ESRRG: variants seen among roughly 807,000 people sequenced by gnomAD.
ESRRG encodes estrogen-related receptor gamma.
ESRRG carries 13 observed loss-of-function variants against 44.0 expected under a neutral mutation model. That is an observed-to-expected ratio of 0.30 (90% CI 0.19 to 0.47). The LOEUF (loss-of-function observed/expected upper bound fraction) is 0.47, where lower values mean the gene tolerates loss of function less well. Among genes scored for constraint, ESRRG ranks in the 20% least tolerant of loss-of-function variants. The pLI is 1.00. For missense variants in ESRRG, 395 were observed against 580.6 expected (o/e 0.68, Z 3.29); for synonymous variants, 215 against 214.6 (o/e 1.00, Z -0.02).
intron 3 of ESRRG, among the ~76,000 whole-genome samples, chr1:216,603,757 C>T (rs541149255): frequency 2.0e-5 from 3 of 152,114 alleles, no homozygotes; most frequent in South Asian, 2.1e-4. Context: ...GGGGAAACCA[C>T]GTCTCTACTA....
intron 3 of ESRRG, among the ~76,000 whole-genome samples, chr1:216,628,807 T>C (rs796297420): frequency 1.9e-4 from 29 of 152,284 alleles, no homozygotes; most frequent in African/African-American, 6.5e-4. Flanking sequence ...AACCCTTAAA[T>C]TGATTTCAAG....
At chr1:216,548,646 T>C (rs1272185873) in intron 5 of ESRRG, among the ~76,000 whole-genome samples, 3 of 152,092 alleles carry the variant, frequency 2.0e-5, no homozygotes, top group Admixed American at 2.0e-4. Context: ...TCAAGAAATC[T>C]ACCCTGATTC....
chr1:216,782,784 C>CA (rs201803962), intron 2 of ESRRG, among the ~76,000 whole-genome samples: 1,936 of 151,848 alleles, frequency 0.013, 41 homozygotes, highest in African/African-American at 0.045. Flanking sequence ...GGGATCTAGA[C>CA]AAAAATAGCT....
At chr1:216,780,458 T>TGGAAATCATACA (rs1162428030) in intron 2 of ESRRG, among the ~76,000 whole-genome samples, 8 of 152,096 alleles carry the variant, frequency 5.3e-5, no homozygotes, top group Non-Finnish European at 2.9e-5. Context: ...GAATCATACA[T>TGGAAATCATACA]ATTTAGATAT....
chr1:216,622,222 C>T (rs1404670282), intron 3 of ESRRG, among the ~76,000 whole-genome samples: 1 of 152,178 alleles, frequency 6.6e-6, no homozygotes, highest in East Asian at 1.9e-4. Flanking sequence ...ACCACAATGA[C>T]CTCAATGGAG....
At chr1:217,066,217 G>A (rs2089635504) in intron 1 of ESRRG, among the ~76,000 whole-genome samples, 1 of 150,190 alleles carries the variant, frequency 6.7e-6, no homozygotes, top group Non-Finnish European at 1.5e-5. Flanking sequence ...GTTTTCATCT[G>A]TATTCTATAT....
At chr1:216,873,886 G>A (rs1435117149) in intron 2 of ESRRG, among the ~76,000 whole-genome samples, 2 of 29,102 alleles carry the variant, frequency 6.9e-5, no homozygotes, top group Non-Finnish European at 1.4e-4. Context: ...AGGGAGGGAA[G>A]GGAAGGGAAG....
intron 3 of ESRRG, among the ~76,000 whole-genome samples, chr1:216,601,601 T>A (rs2059269215): frequency 6.6e-6 from 1 of 152,152 alleles, no homozygotes; most frequent in Non-Finnish European, 1.5e-5. Flanking sequence ...ATTTACCTAT[T>A]TCGTACAAGT....
intron 2 of ESRRG, among the ~76,000 whole-genome samples, chr1:216,843,049 T>C (rs939808174): frequency 6.6e-6 from 1 of 152,118 alleles, no homozygotes; most frequent in African/African-American, 2.4e-5. Flanking sequence ...CTTTCTACCT[T>C]GTCCAAATTC....
chr1:217,092,903 A>G (rs1259960760), upstream of ESRRG, among the ~76,000 whole-genome samples: 3 of 152,216 alleles, frequency 2.0e-5, no homozygotes, highest in Non-Finnish European at 2.9e-5. Context: ...TGAAGAAATG[A>G]CAAGCTAATT....
chr1:217,050,707 C>T (rs1198096870), intron 1 of ESRRG, among the ~76,000 whole-genome samples: 10 of 152,176 alleles, frequency 6.6e-5, no homozygotes, highest in Non-Finnish European at 1.3e-4. Flanking sequence ...GTTCTCTTAG[C>T]CACTGCCTTT....
chr1:217,129,409 G>A (rs2092931109), intron 1 of ESRRG, among the ~76,000 whole-genome samples: 1 of 152,176 alleles, frequency 6.6e-6, no homozygotes, highest in Non-Finnish European at 1.5e-5. Context: ...TGTAGCTGCT[G>A]TGGAAAGAAG....
intron 3 of ESRRG, among the ~76,000 whole-genome samples, chr1:216,640,991 T>C (rs2066309283): frequency 6.6e-6 from 1 of 152,160 alleles, no homozygotes; most frequent in South Asian, 2.1e-4. Flanking sequence ...CATCAGGGAT[T>C]TTTTTAATCC....
At chr1:216,834,462 G>T (rs2095533161) in intron 2 of ESRRG, among the ~76,000 whole-genome samples, 1 of 151,860 alleles carries the variant, frequency 6.6e-6, no homozygotes. Flanking sequence ...GTAATATAAA[G>T]GACAAATAAA....
At chr1:216,634,976 C>T (rs1339538711) in intron 3 of ESRRG, among the ~76,000 whole-genome samples, 1 of 151,992 alleles carries the variant, frequency 6.6e-6, no homozygotes, top group Non-Finnish European at 1.5e-5. Context: ...CTTTTTCTCT[C>T]TCCTCCCTCC....
chr1:216,606,470 C>T (rs1269069127), intron 3 of ESRRG, among the ~76,000 whole-genome samples: 1 of 152,142 alleles, frequency 6.6e-6, no homozygotes, highest in African/African-American at 2.4e-5. Flanking sequence ...GGATATGTTT[C>T]AAATTGGCCA....
At chr1:216,746,265 C>A (rs983405979) in intron 2 of ESRRG, among the ~76,000 whole-genome samples, 5 of 152,122 alleles carry the variant, frequency 3.3e-5, no homozygotes, top group Non-Finnish European at 7.4e-5. Flanking sequence ...TATCTGCTGC[C>A]AGGGTCTGAA....
chr1:216,611,654 G>A (rs1246408138), intron 3 of ESRRG, among the ~76,000 whole-genome samples: 1 of 151,972 alleles, frequency 6.6e-6, no homozygotes, highest in Non-Finnish European at 1.5e-5. Flanking sequence ...GAGAGGAGGA[G>A]GTGAGACAAG....
chr1:216,830,301 T>G (rs2095467777), intron 2 of ESRRG, among the ~76,000 whole-genome samples: 1 of 152,144 alleles, frequency 6.6e-6, no homozygotes, highest in African/African-American at 2.4e-5. Flanking sequence ...CATCAACAGT[T>G]CTAATTATGT....
Sources: allele counts gnomAD v4.1 joint callset (sites outside exome capture counted in the v4.1 genomes callset), GRCh38; gene constraint gnomAD v4.1.1; transcripts MANE v1.5; gene names NCBI Gene and HGNC (gene_info 2026-07-23, HGNC 2026-07-21).